Variants in SAMMSON observed in about 807,000 individuals in gnomAD.
SAMMSON encodes survival associated mitochondrial melanoma specific oncogenic non-coding RNA.
At chr3:70,284,479 A>G (rs533708003) in intron 6 of SAMMSON, among the ~76,000 whole-genome samples, 7 of 152,324 alleles carry the variant, frequency 4.6e-5, no homozygotes, top group Admixed American at 6.5e-5. Flanking sequence ...CTCACACAGC[A>G]AAGACATGGC....
intron 4 of SAMMSON, among the ~76,000 whole-genome samples, chr3:70,128,968 T>A (rs907669045): frequency 3.3e-5 from 5 of 152,172 alleles, no homozygotes; most frequent in African/African-American, 1.2e-4. Flanking sequence ...TATAGTAATT[T>A]TCAATTTAAA....
At chr3:70,420,111 G>A (rs367806294) in intron 2 of SAMMSON, among the ~76,000 whole-genome samples, 2 of 152,216 alleles carry the variant, frequency 1.3e-5, no homozygotes, top group East Asian at 3.8e-4. Flanking sequence ...TTCTGGCTCA[G>A]TGTCCATGTC....
At chr3:70,250,243 C>A (rs571056589) in intron 6 of SAMMSON, among the ~76,000 whole-genome samples, 1 of 152,268 alleles carries the variant, frequency 6.6e-6, no homozygotes, top group South Asian at 2.1e-4. Context: ...TCTTGTGCTG[C>A]TGAAGCACCA....
chr3:70,358,584 A>G (rs942763309), intron 9 of SAMMSON, among the ~76,000 whole-genome samples: 1 of 152,166 alleles, frequency 6.6e-6, no homozygotes, highest in African/African-American at 2.4e-5. Flanking sequence ...CAGAAGTGGC[A>G]TATAGGAGTT....
intron 4 of SAMMSON, among the ~76,000 whole-genome samples, chr3:70,231,218 CAAA>C (rs985861273): frequency 5.3e-5 from 8 of 152,180 alleles, no homozygotes; most frequent in African/African-American, 1.2e-4. Context: ...ACAGCAGTGG[CAAA>C]CAGCTAGCCA....
chr3:70,095,794 T>G (rs1337818915), intron 4 of SAMMSON, among the ~76,000 whole-genome samples: 1 of 152,228 alleles, frequency 6.6e-6, no homozygotes, highest in Non-Finnish European at 1.5e-5. Flanking sequence ...TCTTGTTAAC[T>G]ATAATATGTC....
chr3:70,434,397 G>T (rs564236422), intron 2 of SAMMSON, among the ~76,000 whole-genome samples: 24 of 151,984 alleles, frequency 1.6e-4, no homozygotes, highest in Admixed American at 5.9e-4. Context: ...TAAATGTTAT[G>T]CTTTAAACTT....
chr3:70,106,648 C>T (rs2067368354), intron 4 of SAMMSON, among the ~76,000 whole-genome samples: 1 of 151,948 alleles, frequency 6.6e-6, no homozygotes, highest in Non-Finnish European at 1.5e-5. Flanking sequence ...CCAGATTTTG[C>T]ATTTGTAACA....
intron 2 of SAMMSON, among the ~76,000 whole-genome samples, chr3:70,415,961 T>C (rs935130910): frequency 6.6e-6 from 1 of 152,200 alleles, no homozygotes; most frequent in Non-Finnish European, 1.5e-5. Context: ...CGTTCTCCTA[T>C]CACTATTTTG....
intron 3 of SAMMSON, chr3:70,030,334 G>C (rs1398968281): frequency 6.6e-6 from 1 of 152,164 alleles, no homozygotes; most frequent in East Asian, 1.9e-4. Flanking sequence ...TTTTCTTTAA[G>C]ATGGAAGGAC....
At chr3:70,152,998 G>A (rs2067577509) in intron 4 of SAMMSON, among the ~76,000 whole-genome samples, 2 of 151,976 alleles carry the variant, frequency 1.3e-5, no homozygotes, top group African/African-American at 4.8e-5. Context: ...TGTCTCATGC[G>A]ATGCGTAAAT....
rs566512098 is a variant in SAMMSON at position 70,339,560 on chromosome 3, A to C, written n.740-14615A>C. Among the ~76,000 whole-genome samples the C allele has an allele frequency of 2.0e-5, 3 of 152,302 alleles. No individual in the cohort carries two copies. The South Asian group carries it at 6.2e-4, about 32-fold the overall frequency. ...AAGAACTTAAACAAATTTACAAGAA[A>C]AAATCAAACAACCCCATCAGCAAGT... is the stretch of plus-strand genomic sequence containing the variant. On this transcript the variant is annotated intron_variant and non_coding_transcript_variant, in intron 7 of 9. Transcript: ENST00000642114.
chr3:70,203,713 G>T (rs117040528), intron 4 of SAMMSON, among the ~76,000 whole-genome samples: 1 of 151,984 alleles, frequency 6.6e-6, no homozygotes, highest in South Asian at 2.1e-4. Context: ...ATTCTTTTGA[G>T]GTATCTTGTA....
intron 2 of SAMMSON, among the ~76,000 whole-genome samples, chr3:70,404,579 A>G (rs1260550936): frequency 6.6e-6 from 1 of 152,184 alleles, no homozygotes; most frequent in Non-Finnish European, 1.5e-5. Context: ...TTAAGTAGGT[A>G]TGACTCTCTT....
intron 4 of SAMMSON, among the ~76,000 whole-genome samples, chr3:70,216,786 G>GC (rs1036332966): frequency 7.9e-5 from 12 of 152,154 alleles, no homozygotes; most frequent in Middle Eastern, 3.4e-3. Context: ...GGCAGATTTT[G>GC]CCCCCCAAGG....
intron 9 of SAMMSON, among the ~76,000 whole-genome samples, chr3:70,375,801 T>C (rs1361629905): frequency 6.6e-6 from 1 of 152,188 alleles, no homozygotes; most frequent in Non-Finnish European, 1.5e-5. Flanking sequence ...AGGAACTGTA[T>C]TTTTGCTGAC....
At chr3:70,017,927 A>G (rs1226888907) in intron 3 of SAMMSON, among the ~76,000 whole-genome samples, 2 of 152,142 alleles carry the variant, frequency 1.3e-5, no homozygotes, top group Non-Finnish European at 2.9e-5. Context: ...CATCCCAGGG[A>G]TGAAGCCCAC....
At chr3:70,077,843 A>G (rs539581216) in intron 4 of SAMMSON, among the ~76,000 whole-genome samples, 1 of 152,294 alleles carries the variant, frequency 6.6e-6, no homozygotes, top group African/African-American at 2.4e-5. Context: ...TTGGTTCCCT[A>G]GAGACAAATG....
chr3:70,408,323 G>C (rs1701192657), intron 2 of SAMMSON, among the ~76,000 whole-genome samples: 1 of 152,224 alleles, frequency 6.6e-6, no homozygotes. Context: ...TTTTTCCTCA[G>C]AAAATGGATT....
Sources: allele counts gnomAD v4.1 joint callset (sites outside exome capture counted in the v4.1 genomes callset), GRCh38; gene constraint gnomAD v4.1.1; transcripts MANE v1.5; gene names NCBI Gene and HGNC (gene_info 2026-07-23, HGNC 2026-07-21).